The following PPM1A variants were observed in gnomAD, a reference collection of about 807,000 sequenced individuals.
The protein encoded by PPM1A is protein phosphatase, Mg2+/Mn2+ dependent 1A, also known as protein phosphatase 1A.
A neutral mutation model predicts 35.0 loss-of-function variants in PPM1A; 7 were observed. The observed-to-expected ratio is 0.20, with a 90% CI of 0.11 to 0.38. The LOEUF is 0.38. PPM1A is among the 10% of genes least tolerant of loss of function. The probability of loss-of-function intolerance (pLI) is 1.00; values close to 1 mark genes in which losing one functional copy is unlikely to be tolerated. For synonymous variants in PPM1A, 153 were observed against 167.3 expected, an observed-to-expected ratio of 0.91 and a Z score of 0.66; for missense variants, 239 against 467.8, an observed-to-expected ratio of 0.51 and a Z score of 4.51.
rs576547787 is a variant in PPM1A at position 60,288,330 on chromosome 14, ATC to A, written c.953-1475_953-1474del. ...AGACCTGAAACTATTGATTCAATTT[ATC>A]ATCAGTGTTTATTTCTATTGTATCT... is the stretch of plus-strand genomic sequence containing the variant. On this transcript the variant is annotated intron_variant, in intron 3 of 5. Coordinates refer to ENST00000395076, the MANE Select transcript of PPM1A (RefSeq NM_021003.5). 2.1e-4 allele frequency: 208 copies of A among 967,934 alleles called. No individual in the cohort carries two copies. In the African/African-American group the frequency reaches 3.5e-3, roughly 16 times the overall value. 60.0% of individuals were successfully genotyped at this position (967,934 alleles called of 1,614,324 possible). A position where few individuals can be genotyped will look rare whatever the true frequency, so the allele number is the denominator to read the frequency against.
At chr14:60,272,613 G>T (rs1030278079) in intron 1 of PPM1A, among the ~76,000 whole-genome samples, 10 of 149,048 alleles carry the variant, frequency 6.7e-5, no homozygotes, top group Non-Finnish European at 1.0e-4. Context: ...GGAGGCTGAG[G>T]CACAGAATCA....
At chr14:60,275,592 T>TC (rs1204011150) in intron 1 of PPM1A, among the ~76,000 whole-genome samples, 1 of 152,138 alleles carries the variant, frequency 6.6e-6, no homozygotes, top group Admixed American at 6.5e-5. Context: ...GCCCAAGCAG[T>TC]CCTCCTTCCT....
Position 60,298,546 on chromosome 14 carries a change from C to A in PPM1A, c.*6064C>A, listed in dbSNP as rs1454105932. ...TATTTAATTCCCATTTGTGGGACTT[C>A]TGGAACATAGAAACCATTATCTTAC... On this transcript the variant is annotated 3_prime_UTR_variant, in exon 6 of 6. Coordinates refer to ENST00000395076, the MANE Select transcript of PPM1A (RefSeq NM_021003.5). The A allele has an allele frequency of 2.6e-5, 4 of 151,676 alleles. No homozygotes were observed. The highest frequency in any genetic ancestry group is 5.9e-5 in the Non-Finnish European group (4 of 67,690). The allele number at this position is 151,676 out of a possible 1,614,324, so 9.4% of individuals were successfully genotyped here. A position where few individuals can be genotyped will look rare whatever the true frequency, so the allele number is the denominator to read the frequency against.
intron 1 of PPM1A, chr14:60,268,463 T>A: frequency 1.1e-6 from 1 of 910,302 alleles, no homozygotes; most frequent in Non-Finnish European, 1.3e-6. Context: ...GGCTTCTAAT[T>A]TTAAATAATT....
rs1390251327 is a variant in PPM1A, at chr14:60,295,609, C to T, written c.*3127C>T. The T allele has an allele frequency of 6.6e-6, 1 of 151,488 alleles. No homozygotes were observed. Among genetic ancestry groups the T allele is most frequent in the Non-Finnish European group, 1.5e-5 (1 of 67,638 alleles). 9.4% of individuals were successfully genotyped at this position (151,488 alleles called of 1,614,324 possible). A position where few individuals can be genotyped will look rare whatever the true frequency, so the allele number is the denominator to read the frequency against. ...CCCAGCTAATAACTCAGTTTTTTTA[C>T]AAAATGTTTCGAGTATTATTGGTAA... On this transcript the variant is annotated 3_prime_UTR_variant, in exon 6 of 6. Coordinates refer to ENST00000395076, the MANE Select transcript of PPM1A (RefSeq NM_021003.5).
chr14:60,255,178 TGTTTTG>T (rs1566569787), intron 1 of PPM1A, among the ~76,000 whole-genome samples: 26,757 of 108,934 alleles, frequency 0.25, 4,874 homozygotes, highest in African/African-American at 0.42. Flanking sequence ...TTTTTTGTTT[TGTTTTG>T]TTTTTGAGAC....
Position 60,296,027 on chromosome 14 carries a change from T to C in PPM1A, c.*3545T>C, listed in dbSNP as rs796592621. The C allele has an allele frequency of 9.9e-5, 15 of 151,812 alleles. No homozygotes were observed. Among genetic ancestry groups the C allele is most frequent in the African/African-American group, 3.6e-4 (15 of 41,522 alleles). 9.4% of individuals were successfully genotyped at this position (151,812 alleles called of 1,614,324 possible). A position where few individuals can be genotyped will look rare whatever the true frequency, so the allele number is the denominator to read the frequency against. On this transcript the variant is annotated 3_prime_UTR_variant, in exon 6 of 6. Transcript: ENST00000395076. This position sits in a 1 kb window ranked among gnomAD's most constrained non-coding sequence, Gnocchi z 4.4. ...CCTTTATTCTTCCTGCTGACAGCAG[T>C]AACTCAGAGGAATAGGTAGTAGATT...
At position 60,293,058 on chromosome 14, in the gene PPM1A, T is replaced by A. The variant is rs1186560285; in HGVS notation, c.*576T>A. 2 of 152,178 alleles carry A rather than the reference T, an allele frequency of 1.3e-5. No individual in the cohort carries two copies. The highest frequency in any genetic ancestry group is 4.8e-5 in the African/African-American group (2 of 41,430). 9.4% of individuals were successfully genotyped at this position (152,178 alleles called of 1,614,324 possible). On this transcript the variant is annotated 3_prime_UTR_variant, in exon 6 of 6. Transcript: ENST00000395076. This position sits in a 1 kb window ranked among gnomAD's most constrained non-coding sequence, Gnocchi z 4.0. ...TTGGTAGGGGAGTTGGCATTGTTGA[T>A]AAAGCCAGTCCCTTCATTTAACTGT...
chr14:60,291,560 CACACCCCTGA>C (rs1201302234), intron 5 of PPM1A, 106 bp downstream of exon 5: 1 of 815,182 alleles, frequency 1.2e-6, no homozygotes, highest in African/African-American at 1.8e-5. Flanking sequence ...TTCTCTTACA[CACACCCCTGA>C]TTGATTGCTC....
intron 1 of PPM1A, among the ~76,000 whole-genome samples, chr14:60,276,308 C>T (rs781152610): frequency 1.3e-5 from 2 of 152,166 alleles, no homozygotes; most frequent in Admixed American, 6.5e-5. Flanking sequence ...CCACCTTCCC[C>T]GAGGAGCTTG....
rs1885441871 is a variant in PPM1A, at chr14:60,273,866, T to A, written c.-20-8818T>A. Among the ~76,000 whole-genome samples, 1 of 152,162 alleles carries A rather than the reference T, an allele frequency of 6.6e-6. No individual in the cohort carries two copies. Among genetic ancestry groups the A allele is most frequent in the Admixed American group, 6.5e-5 (1 of 15,284 alleles). On this transcript the variant is annotated intron_variant, in intron 1 of 5. Transcript: ENST00000395076. This position sits in a 1 kb window ranked among gnomAD's most constrained non-coding sequence, Gnocchi z 4.3. The stretch of plus-strand genomic sequence containing the variant: ...TTCTTTTTCTGAGTTGGGGTCTTGC[T>A]ATATTGCCTAGGCTGGTCTTGAACT...
intron 1 of PPM1A, among the ~76,000 whole-genome samples, chr14:60,266,927 T>C (rs1200058349): frequency 2.0e-5 from 3 of 152,274 alleles, no homozygotes; most frequent in African/African-American, 7.2e-5. Context: ...AAGAAGTGTG[T>C]GTTATTCTGA....
In PPM1A at chr14:60,294,264, G is replaced by A. The variant is rs1432554505; in HGVS notation, c.*1782G>A. 4 of 151,784 alleles carry A rather than the reference G, an allele frequency of 2.6e-5. No individual in the cohort carries two copies. Among genetic ancestry groups the A allele is most frequent in the African/African-American group, 9.6e-5 (4 of 41,480 alleles). 9.4% of individuals were successfully genotyped at this position (151,784 alleles called of 1,614,324 possible). ...TTTCATTATCCCTCTTATTTTGTGA[G>A]GTGATTAAATGTAACTTAATTGTAT... is the stretch of plus-strand genomic sequence containing the variant. On this transcript the variant is annotated 3_prime_UTR_variant, in exon 6 of 6. Transcript: ENST00000395076.
chr14:60,276,833 A>G (rs1050629519), intron 1 of PPM1A, among the ~76,000 whole-genome samples: 3 of 152,190 alleles, frequency 2.0e-5, no homozygotes, highest in Non-Finnish European at 2.9e-5. Context: ...AGACTCTACT[A>G]TGAGTTCACC....
At chr14:60,265,688 G>T (rs1031645100) in intron 1 of PPM1A, among the ~76,000 whole-genome samples, 7 of 152,182 alleles carry the variant, frequency 4.6e-5, no homozygotes, top group African/African-American at 1.7e-4. Context: ...TTGGTTCTGA[G>T]GGTGGTAAGT....
Position 60,283,204 on chromosome 14 carries a change from T to C in PPM1A, c.501T>C (p.Ser167=), listed in dbSNP as rs1886594671. 1.9e-6 allele frequency: 3 copies of C among 1,614,234 alleles called. No homozygotes were observed. In the Middle Eastern group the frequency reaches 4.9e-4, roughly 266 times the overall value. Residue 167 remains serine, a synonymous_variant, in exon 2 of 6, where the codon AGT becomes AGC. Coordinates refer to ENST00000395076, the MANE Select transcript of PPM1A (RefSeq NM_021003.5). This position sits in a 1 kb window ranked among gnomAD's most constrained non-coding sequence, Gnocchi z 6.3. Reference sequence around the variant, plus strand: ...TCTTCACACAAGATCACAAACCAAGTAATCCGCTGGAGAAAGAACGAATTC... The same window carrying C: ...TCTTCACACAAGATCACAAACCAAGCAATCCGCTGGAGAAAGAACGAATTC... ...VHFFTQDHKP[S]NPLEKERIQN...
In PPM1A at chr14:60,296,623, C is replaced by T. The variant is rs1466246438; in HGVS notation, c.*4141C>T. On this transcript the variant is annotated 3_prime_UTR_variant, in exon 6 of 6. Coordinates refer to ENST00000395076, the MANE Select transcript of PPM1A (RefSeq NM_021003.5). The surrounding 1 kb of genome is among the most constrained non-coding windows in gnomAD (Gnocchi z 4.4). Reference sequence around the variant, plus strand: ...ATTTTAGAAGCCTAATTTGCTCTTACTTCCTTCAATTATGTGCCATGTGTT... The same window carrying T: ...ATTTTAGAAGCCTAATTTGCTCTTATTTCCTTCAATTATGTGCCATGTGTT... 2 of 337,690 alleles carry T rather than the reference C, an allele frequency of 5.9e-6. No individual in the cohort carries two copies. Among genetic ancestry groups the T allele is most frequent in the African/African-American group, 4.2e-5 (2 of 47,452 alleles). 20.9% of individuals were successfully genotyped at this position (337,690 alleles called of 1,614,324 possible).
chr14:60,289,827 A>C lies in PPM1A; in HGVS notation c.974A>C (p.Glu325Ala). The C allele has an allele frequency of 6.2e-7, 1 of 1,607,508 alleles. No individual in the cohort carries two copies. The highest frequency in any genetic ancestry group is 8.5e-7 in the Non-Finnish European group (1 of 1,177,148). ...RVEEIIKKQG[E>A]GVPDLVHVMR... ...CCAGAAATCATAAAGAAGCAGGGGG[A>C]AGGCGTCCCCGACTTAGTCCATGTG... The change falls in exon 4 of 6, where the codon GAA (glutamate) becomes GCA (alanine). Residue 325 changes from glutamate to alanine, a missense_variant. Around this residue, in one of 2 missense-constraint regions of PPM1A, gnomAD observed 64 missense variants for 78.6 expected, o/e 0.81. Coordinates refer to ENST00000395076, the MANE Select transcript of PPM1A (RefSeq NM_021003.5). The surrounding 1 kb of genome is among the most constrained non-coding windows in gnomAD (Gnocchi z 4.1).
intron 1 of PPM1A, among the ~76,000 whole-genome samples, chr14:60,275,540 G>T (rs931941492): frequency 3.3e-5 from 5 of 151,998 alleles, no homozygotes; most frequent in Non-Finnish European, 7.4e-5. Flanking sequence ...AGGCTGGAGT[G>T]CAGTGGCACC....
Sources: gnomAD v4.1 joint callset for allele counts (sites outside exome capture counted in the v4.1 genomes callset) on GRCh38, gnomAD v4.1.1 for gene constraint, gnomAD v4.1.1 regional missense constraint, Gnocchi (gnomAD v3.1) non-coding constraint, MANE v1.5 for transcripts, NCBI Gene and HGNC (gene_info 2026-07-23, HGNC 2026-07-21) for gene names.